The following ST13 variants were observed in gnomAD, a reference collection of about 807,000 sequenced individuals.
The protein encoded by ST13 is ST13 Hsp70 interacting protein.
A neutral mutation model predicts 56.7 loss-of-function variants in ST13; 23 were observed. The ratio of observed to expected loss-of-function variants is 0.41; its 90% CI spans 0.29 to 0.57. ST13 has a LOEUF of 0.57. Among genes scored for constraint, ST13 ranks in the 20% least tolerant of loss-of-function variants. The probability of loss-of-function intolerance (pLI) is 0.36; values close to 1 mark genes in which losing one functional copy is unlikely to be tolerated. For missense variants in ST13, 369 were observed against 459.9 expected, an observed-to-expected ratio of 0.80 and a Z score of 1.81; for synonymous variants, 132 against 142.4, an observed-to-expected ratio of 0.93 and a Z score of 0.52.
chr22:40,836,016 A>G, intron 5 of ST13, 129 bp from the exon 6 acceptor site: 1 of 717,128 alleles, frequency 1.4e-6, no homozygotes, highest in Non-Finnish European at 2.2e-6. Flanking sequence ...AAGACAACTA[A>G]GTTATACTAA....
chr22:40,831,748 G>A (rs1465278558), intron 8 of ST13, among the ~76,000 whole-genome samples: 2 of 152,150 alleles, frequency 1.3e-5, no homozygotes, highest in Non-Finnish European at 2.9e-5. Context: ...GATTTACCAT[G>A]TAAACACATT....
At chr22:40,852,272 G>C (rs1300166759) in intron 1 of ST13, among the ~76,000 whole-genome samples, 1 of 152,172 alleles carries the variant, frequency 6.6e-6, no homozygotes, top group Non-Finnish European at 1.5e-5. Context: ...ATTCTGATAG[G>C]TGCCTACTGG....
In ST13 at chr22:40,840,710, A is replaced by C. The variant is rs776700544; in HGVS notation, c.316-18T>G. The C allele has an allele frequency of 1.2e-6, 2 of 1,601,726 alleles. No homozygotes were observed. Among genetic ancestry groups the C allele is most frequent in the South Asian group, 2.2e-5 (2 of 89,282 alleles). On this transcript the variant is annotated intron_variant, in intron 4 of 11. Coordinates refer to ENST00000216218, the MANE Select transcript of ST13 (RefSeq NM_003932.5). ...TCCGTTATCTAGGAAGAAAATAAAA[A>C]TCATCTTAGAATTAGTAGAGAGAGA...
At chr22:40,845,068 G>C (rs1601469842) in intron 3 of ST13, among the ~76,000 whole-genome samples, 159 bp from the exon 4 acceptor site, 1 of 152,084 alleles carries the variant, frequency 6.6e-6, no homozygotes, top group African/African-American at 2.4e-5. Flanking sequence ...CGTTACTTTG[G>C]TAAGACTACA....
intron 4 of ST13, among the ~76,000 whole-genome samples, chr22:40,843,273 C>G (rs942059840): frequency 1.3e-5 from 2 of 152,076 alleles, no homozygotes; most frequent in South Asian, 4.1e-4. Flanking sequence ...TTAGATTTAA[C>G]ACAATTCTAA....
intron 2 of ST13, among the ~76,000 whole-genome samples, chr22:40,849,584 T>C (rs1352922188): frequency 6.6e-6 from 1 of 151,498 alleles, no homozygotes; most frequent in Non-Finnish European, 1.5e-5. Flanking sequence ...TTCTAGAATA[T>C]ATTGAAAAGA....
chr22:40,854,145 A>C (rs752198672), intron 1 of ST13, among the ~76,000 whole-genome samples: 12 of 152,262 alleles, frequency 7.9e-5, no homozygotes, highest in Non-Finnish European at 1.6e-4. Flanking sequence ...TTTCAACTTG[A>C]GTAACCCTAA....
rs1264630612 is a variant in ST13, at chr22:40,836,840, G to C, written c.383-953C>G. Among the ~76,000 whole-genome samples, 4 of 151,744 alleles carry C rather than the reference G, an allele frequency of 2.6e-5. No homozygotes were observed. The South Asian group carries it at 8.3e-4, about 32-fold the overall frequency. ...ATCTTGGGGAGGCAAGACAAATACA[G>C]AATTTTTTTTAAGAGACAGGGTCTA... On this transcript the variant is annotated intron_variant, in intron 5 of 11. Coordinates refer to ENST00000216218, the MANE Select transcript of ST13 (RefSeq NM_003932.5).
At chr22:40,831,954 G>A in intron 8 of ST13, 1 of 243,784 alleles carries the variant, frequency 4.1e-6, no homozygotes, top group Non-Finnish European at 8.4e-6. Context: ...CCAGGTTCAA[G>A]TGATTCTCCT....
In ST13 at chr22:40,835,859, G is replaced by C. The variant is rs763088256; in HGVS notation, c.411C>G (p.Phe137Leu). ...GAGGATTCAGCTTGATGGCATCTGT[G>C]AATAAGTCAATGGCTTTCTGGAGTT... ...DGELQKAIDL[F>L]TDAIKLNPRL... is the part of the protein sequence containing the mutation. Residue 137 changes from phenylalanine (F) to leucine (L), a missense_variant, in exon 6 of 12, where the codon TTC becomes TTG. Physicochemically the swap from Phe to Leu is conservative, Grantham distance 22 (BLOSUM62 0). Coordinates refer to ENST00000216218, the MANE Select transcript of ST13 (RefSeq NM_003932.5). The C allele has an allele frequency of 6.2e-7, 1 of 1,613,098 alleles. No homozygotes were observed.
At chr22:40,834,400 T>C (rs1438154525) in intron 7 of ST13, among the ~76,000 whole-genome samples, 1 of 152,184 alleles carries the variant, frequency 6.6e-6, no homozygotes, top group African/African-American at 2.4e-5. Context: ...TATCACAGCA[T>C]TGTAGTAAGT....
chr22:40,851,010 C>T, intron 1 of ST13, 130 bp from the exon 2 acceptor site: 1 of 634,772 alleles, frequency 1.6e-6, no homozygotes. Context: ...AGTAAACTCT[C>T]AATTAATCTG....
chr22:40,831,065 G>C (rs1270950299), intron 8 of ST13, 109 bp from the exon 9 acceptor site: 1 of 750,162 alleles, frequency 1.3e-6, no homozygotes, highest in African/African-American at 1.8e-5. Context: ...TCAGAAAAAT[G>C]ACAGATTTGT....
intron 1 of ST13, among the ~76,000 whole-genome samples, chr22:40,854,116 G>T (rs1257424584): frequency 2.6e-5 from 4 of 152,142 alleles, no homozygotes; most frequent in Non-Finnish European, 4.4e-5. Flanking sequence ...CAACAGCTAA[G>T]CCTGTGAGAA....
intron 2 of ST13, among the ~76,000 whole-genome samples, chr22:40,848,884 G>A (rs1369853683): frequency 6.6e-6 from 1 of 151,948 alleles, no homozygotes; most frequent in Non-Finnish European, 1.5e-5. Context: ...TTTGAGTTTT[G>A]GAACTGCAAA....
chr22:40,844,009 A>T (rs1601469161), intron 4 of ST13, among the ~76,000 whole-genome samples: 1 of 151,840 alleles, frequency 6.6e-6, no homozygotes, highest in Admixed American at 6.6e-5. Flanking sequence ...CAGCCTCCCA[A>T]GTAGCTGGGA....
chr22:40,845,522 C>T (rs761123452), intron 3 of ST13, among the ~76,000 whole-genome samples: 4 of 151,918 alleles, frequency 2.6e-5, no homozygotes, highest in Non-Finnish European at 5.9e-5. Flanking sequence ...AAAATAAAGG[C>T]TTACTACTGA....
intron 1 of ST13, among the ~76,000 whole-genome samples, chr22:40,852,466 T>C (rs1452524107): frequency 6.6e-6 from 1 of 152,234 alleles, no homozygotes; most frequent in East Asian, 1.9e-4. Flanking sequence ...TCCCACCCTG[T>C]AGGTTGCCTT....
At position 40,826,451 on chromosome 22, in the gene ST13, AG is replaced by A. The variant is rs1417417364; in HGVS notation, c.*86del. 10 of 1,407,362 alleles carry A rather than the reference AG, an allele frequency of 7.1e-6. No homozygotes were observed. The African/African-American group carries it at 1.3e-4, about 18-fold the overall frequency. 87.2% of individuals were successfully genotyped at this position (1,407,362 alleles called of 1,614,324 possible). A position where few individuals can be genotyped will look rare whatever the true frequency, so the allele number is the denominator to read the frequency against. On this transcript the variant is annotated 3_prime_UTR_variant, in exon 12 of 12. Transcript: ENST00000216218. ...CCAGCTCTCTTGATGAGAAGGTCAG[AG>A]GTACACTGGTTTGTATTATTGCGAC...
Sources: gnomAD v4.1 joint callset for allele counts (sites outside exome capture counted in the v4.1 genomes callset) on GRCh38, gnomAD v4.1.1 for gene constraint, MANE v1.5 for transcripts, NCBI Gene and HGNC (gene_info 2026-07-23, HGNC 2026-07-21) for gene names.